Variants in PALS1 observed in about 807,000 individuals in gnomAD.
PALS1 encodes the protein protein PALS1.
A neutral mutation model predicts 78.9 loss-of-function variants in PALS1; 31 were observed. The ratio of observed to expected loss-of-function variants is 0.39; its 90% confidence interval spans 0.30 to 0.53. PALS1 has a LOEUF of 0.53. PALS1 is among the 20% of genes least tolerant of loss of function. PALS1 has a pLI of 0.67. For missense variants in PALS1, 704 were observed against 826.5 expected (o/e 0.85, Z 1.82); for synonymous variants, 276 against 270.9 (o/e 1.02, Z -0.18).
chr14:67,308,664 G>A (rs895981633), intron 8 of PALS1, among the ~76,000 whole-genome samples: 3 of 150,632 alleles, frequency 2.0e-5, no homozygotes, highest in African/African-American at 4.9e-5. Context: ...TCCCGCCTCA[G>A]CCTCCCAAGT....
At chr14:67,319,154 T>G (rs976825161) in intron 11 of PALS1, among the ~76,000 whole-genome samples, 1 of 152,204 alleles carries the variant, frequency 6.6e-6, no homozygotes, top group Non-Finnish European at 1.5e-5. Context: ...AAGTGTAGTT[T>G]GAGCTCCTGC....
chr14:67,254,027 C>T (rs181240792), intron 1 of PALS1, among the ~76,000 whole-genome samples: 7 of 124,346 alleles, frequency 5.6e-5, no homozygotes, highest in African/African-American at 2.2e-4. Context: ...TATATTCATC[C>T]CCCCCCCCTT....
chr14:67,307,113 T>A (rs1042289872), intron 8 of PALS1, among the ~76,000 whole-genome samples: 1 of 152,200 alleles, frequency 6.6e-6, no homozygotes, highest in African/African-American at 2.4e-5. Flanking sequence ...CACATAGCAA[T>A]CAGTGGCTGC....
Position 67,333,706 on chromosome 14 carries a change from C to A in PALS1, c.*750C>A, listed in dbSNP as rs113519869. 6.6e-6 allele frequency: 1 copy of A among 152,298 alleles called. No homozygotes were observed. The highest frequency in any genetic ancestry group is 2.4e-5 in the African/African-American group (1 of 41,350). 9.4% of individuals were successfully genotyped at this position (152,298 alleles called of 1,614,324 possible). A position where few individuals can be genotyped will look rare whatever the true frequency, so the allele number is the denominator to read the frequency against. ...GATTTCCTGAATTTTTTTCTTAAGTCGTCTCAACTGATTTACTCACTTAGC... is the reference window on the plus strand; with the variant it reads ...GATTTCCTGAATTTTTTTCTTAAGTAGTCTCAACTGATTTACTCACTTAGC... On this transcript the variant is annotated 3_prime_UTR_variant, in exon 15 of 15. Transcript: ENST00000261681.
chr14:67,281,852 A>G (rs1230270540), intron 3 of PALS1, among the ~76,000 whole-genome samples: 1 of 150,188 alleles, frequency 6.7e-6, no homozygotes, highest in Non-Finnish European at 1.5e-5. Context: ...TGAATGTTCT[A>G]TTGCTGACTT....
At chr14:67,331,303 C>T (rs2085445881) in intron 14 of PALS1, among the ~76,000 whole-genome samples, 1 of 152,178 alleles carries the variant, frequency 6.6e-6, no homozygotes. Flanking sequence ...CCTTGGCCTC[C>T]CAAAGTGCTG....
chr14:67,299,330 T>C (rs1263086911), intron 4 of PALS1, among the ~76,000 whole-genome samples: 1 of 149,618 alleles, frequency 6.7e-6, no homozygotes, highest in African/African-American at 2.5e-5. Context: ...TAAAAACAAG[T>C]AGCGAAATGT....
At chr14:67,241,657 A>G (rs902027413) in intron 1 of PALS1, 124 bp downstream of exon 1, 1 of 152,306 alleles carries the variant, frequency 6.6e-6, no homozygotes, top group Non-Finnish European at 1.5e-5. Flanking sequence ...AACTCCGGCC[A>G]GCGGGAGACC....
intron 3 of PALS1, among the ~76,000 whole-genome samples, chr14:67,289,332 A>C (rs2084736508): frequency 6.6e-6 from 1 of 152,174 alleles, no homozygotes; most frequent in Admixed American, 6.5e-5. Flanking sequence ...TCTCTGAACA[A>C]TACAATATAA....
chr14:67,293,740 G>A (rs191717414), intron 4 of PALS1, among the ~76,000 whole-genome samples: 176 of 152,088 alleles, frequency 1.2e-3, no homozygotes, highest in Non-Finnish European at 1.9e-3. Context: ...TGACATATTT[G>A]AGAACACACA....
At chr14:67,286,871 A>G (rs1477008273) in intron 3 of PALS1, among the ~76,000 whole-genome samples, 7 of 151,068 alleles carry the variant, frequency 4.6e-5, no homozygotes, top group East Asian at 1.9e-4. Flanking sequence ...AAAAAAAAAA[A>G]AAAGAAAAAA....
chr14:67,247,204 G>A (rs1415365531), intron 1 of PALS1, among the ~76,000 whole-genome samples: 1 of 152,120 alleles, frequency 6.6e-6, no homozygotes, highest in African/African-American at 2.4e-5. Flanking sequence ...ATTTATGTGA[G>A]TATTGTAGTT....
chr14:67,251,085 G>C (rs1482990698), intron 1 of PALS1, among the ~76,000 whole-genome samples: 7 of 152,228 alleles, frequency 4.6e-5, no homozygotes, highest in Non-Finnish European at 1.5e-5. Context: ...ATAAGTGATA[G>C]AAAGGAGTTG....
intron 1 of PALS1, among the ~76,000 whole-genome samples, chr14:67,268,462 A>T (rs576675341): frequency 1.2e-4 from 18 of 152,216 alleles, no homozygotes; most frequent in African/African-American, 4.1e-4. Flanking sequence ...AAGAATGGCT[A>T]CTCCATAGGC....
chr14:67,248,658 T>G (rs2140426955), intron 1 of PALS1, among the ~76,000 whole-genome samples: 1 of 152,274 alleles, frequency 6.6e-6, no homozygotes. Context: ...TCGGTAAGTA[T>G]TTTAGCTTCG....
At chr14:67,302,268 T>G in intron 6 of PALS1, 142 bp from the exon 7 acceptor site, 1 of 1,073,410 alleles carries the variant, frequency 9.3e-7, no homozygotes, top group South Asian at 2.6e-5. Flanking sequence ...CTAATTACAA[T>G]TACTCTAGTT....
chr14:67,245,621 G>T (rs2083975387), intron 1 of PALS1, among the ~76,000 whole-genome samples: 1 of 151,990 alleles, frequency 6.6e-6, no homozygotes, highest in Admixed American at 6.6e-5. Flanking sequence ...CAAAGTGGTG[G>T]GATAACACGC....
intron 14 of PALS1, among the ~76,000 whole-genome samples, chr14:67,332,356 C>T (rs561569735): frequency 6.6e-6 from 1 of 152,228 alleles, no homozygotes; most frequent in East Asian, 1.9e-4. Flanking sequence ...TTACTAGAGC[C>T]AAAAGTAAAT....
chr14:67,254,030 C>CA (rs1031205209), intron 1 of PALS1, among the ~76,000 whole-genome samples: 2 of 139,702 alleles, frequency 1.4e-5, no homozygotes, highest in South Asian at 4.8e-4. Flanking sequence ...ATTCATCCCC[C>CA]CCCCCTTACA....
Sources: allele counts gnomAD v4.1 joint callset (sites outside exome capture counted in the v4.1 genomes callset), GRCh38; gene constraint gnomAD v4.1.1; transcripts MANE v1.5; gene names NCBI Gene and HGNC (gene_info 2026-07-23, HGNC 2026-07-21).